The following ZNF683 variants were observed in gnomAD, a reference collection of about 807,000 sequenced individuals.
ZNF683 encodes the protein zinc finger protein 683, also known as tissue-resident T-cell transcription regulator protein ZNF683.
ZNF683 carries 20 observed loss-of-function variants against 31.4 expected under a neutral mutation model. That is an observed-to-expected ratio of 0.64 (90% CI 0.45 to 0.93). The LOEUF is 0.93. Among genes scored for constraint, ZNF683 ranks in the 40% least tolerant of loss-of-function variants. ZNF683 has a pLI of 0.00. For missense variants in ZNF683, 621 were observed against 637.2 expected, an observed-to-expected ratio of 0.97 and a Z score of 0.27; for synonymous variants, 264 against 267.6, an observed-to-expected ratio of 0.99 and a Z score of 0.13.
Position 26,363,161 on chromosome 1 carries a change from C to A in ZNF683, c.1015-7G>T. 1.2e-6 allele frequency: 2 copies of A among 1,600,956 alleles called. No homozygotes were observed. The highest frequency in any genetic ancestry group is 2.2e-5 in the South Asian group (2 of 90,434). ...TGTGCACACGCAGGTGGACCTGAGT[C>A]AGATGCGGGATAAATGCTGCCAACT... is the stretch of plus-strand genomic sequence containing the variant. On this transcript the variant is annotated splice_polypyrimidine_tract_variant and splice_region_variant and intron_variant, in intron 4 of 5. Coordinates refer to ENST00000349618, the MANE Select transcript of ZNF683 (RefSeq NM_001114759.3).
chr1:26,366,411 C>G (rs1051679105), intron 3 of ZNF683, among the ~76,000 whole-genome samples: 3 of 148,780 alleles, frequency 2.0e-5, no homozygotes, highest in Non-Finnish European at 4.5e-5. Flanking sequence ...CTCAATCAAT[C>G]TCACTGAGCC....
rs766878515 is a variant in ZNF683, at chr1:26,364,822, C to T, written c.724G>A (p.Glu242Lys). 8 of 1,575,920 alleles carry T rather than the reference C, an allele frequency of 5.1e-6. No homozygotes were observed. Among genetic ancestry groups the T allele is most frequent in the Non-Finnish European group, 6.9e-6 (8 of 1,161,090 alleles). Reference protein sequence around the residue: ...AMPSLLMMVNELGHPSARWET... With the variant: ...AMPSLLMMVNKLGHPSARWET... ...CACCGAGCGCTGGGGTGCCCCAGCT[C>T]ATTGACCATCATCAGCAGGCTAGGC... The change falls in exon 4 of 6, where the codon GAG becomes AAG. Residue 242 changes from glutamate (E) to lysine (K), a missense_variant. Coordinates refer to ENST00000349618, the MANE Select transcript of ZNF683 (RefSeq NM_001114759.3).
intron 1 of ZNF683, among the ~76,000 whole-genome samples, chr1:26,370,945 ATG>A (rs1287252120): frequency 6.6e-6 from 1 of 151,986 alleles, no homozygotes; most frequent in South Asian, 2.1e-4. Flanking sequence ...GAATTTCAGG[ATG>A]TGTGTGTGAG....
In ZNF683 at chr1:26,362,018, C is replaced by G; in HGVS notation, c.1148G>C (p.Cys383Ser). The G allele has an allele frequency of 6.2e-7, 1 of 1,613,764 alleles. No individual in the cohort carries two copies. ...TGERPHKCSV[C>S]HKRFSSSSNL... is the part of the protein sequence containing the mutation. ...ACTGGAGCTGCTGAAGCGCTTGTGGCACACCTGACGGGAACGAGCACTGGC... is the reference window on the plus strand; with the variant it reads ...ACTGGAGCTGCTGAAGCGCTTGTGGGACACCTGACGGGAACGAGCACTGGC... The change falls in exon 6 of 6, where the codon TGC becomes TCC. Residue 383 changes from cysteine to serine, a missense_variant. Coordinates refer to ENST00000349618, the MANE Select transcript of ZNF683 (RefSeq NM_001114759.3).
chr1:26,374,241 T>C (rs1225435590), upstream of ZNF683: 5 of 1,303,012 alleles, frequency 3.8e-6, no homozygotes, highest in Non-Finnish European at 5.1e-6. Flanking sequence ...GGGCACCGAG[T>C]GAAGTTTCCT....
chr1:26,368,822 T>C (rs1403794840), intron 1 of ZNF683, among the ~76,000 whole-genome samples: 1 of 152,190 alleles, frequency 6.6e-6, no homozygotes, highest in African/African-American at 2.4e-5. Flanking sequence ...GAAGATTAAA[T>C]AGAGATTGGC....
chr1:26,363,250 C>T (rs966627150), intron 4 of ZNF683, 96 bp from the exon 5 acceptor site: 53 of 1,428,000 alleles, frequency 3.7e-5, no homozygotes, highest in Middle Eastern at 1.9e-4. Flanking sequence ...CTCTCCCTCC[C>T]CGTCATCTCC....
chr1:26,367,483 T>G lies in ZNF683; in HGVS notation c.319+110A>C. ...GGAAGTAAAGTGTGCCTAAGCTCTGTCTTCATCAGTGACACTGCGTCCTCT... is the reference window on the plus strand; with the variant it reads ...GGAAGTAAAGTGTGCCTAAGCTCTGGCTTCATCAGTGACACTGCGTCCTCT... On this transcript the variant is annotated intron_variant, in intron 3 of 5. Coordinates refer to ENST00000349618, the MANE Select transcript of ZNF683 (RefSeq NM_001114759.3). 4.2e-6 allele frequency: 5 copies of G among 1,199,936 alleles called. No individual in the cohort carries two copies. The South Asian group carries it at 8.3e-5, about 20-fold the overall frequency. The allele number at this position is 1,199,936 out of a possible 1,614,324, so 74.3% of individuals were successfully genotyped here.
At chr1:26,372,847 A>G (rs527940235), upstream of ZNF683, 74 of 1,173,668 alleles carry the variant, frequency 6.3e-5, no homozygotes, top group African/African-American at 1.1e-3. Context: ...GACAAGACAG[A>G]TGATCTGGGA....
rs937060354 is a variant in ZNF683 at position 26,371,398 on chromosome 1, G to C, written c.-15+1271C>G. Among the ~76,000 whole-genome samples the C allele has an allele frequency of 4.1e-5, 6 of 148,082 alleles. 1 individual carries two copies. Among genetic ancestry groups the C allele is most frequent in the African/African-American group, 1.5e-4 (6 of 39,908 alleles). On this transcript the variant is annotated intron_variant, in intron 1 of 5. Coordinates refer to ENST00000349618, the MANE Select transcript of ZNF683 (RefSeq NM_001114759.3). Reference sequence around the variant, plus strand: ...ACCCATCTCTTGAGCCCAGGAGTTTGAGATCAGCCTGGGCAACAAAGCAAG... The same window carrying C: ...ACCCATCTCTTGAGCCCAGGAGTTTCAGATCAGCCTGGGCAACAAAGCAAG...
At chr1:26,371,047 C>T (rs1335294315) in intron 1 of ZNF683, among the ~76,000 whole-genome samples, 1 of 152,068 alleles carries the variant, frequency 6.6e-6, no homozygotes, top group Non-Finnish European at 1.5e-5. Flanking sequence ...GGGGAGCCTT[C>T]TGTGGAGGGG....
chr1:26,372,529 G>C (rs546798657), intron 1 of ZNF683, 140 bp downstream of exon 1: 109 of 1,304,688 alleles, frequency 8.4e-5, no homozygotes, highest in Admixed American at 1.1e-4. Context: ...GGGGTGACCC[G>C]CACACCTTTG....
At chr1:26,366,227 G>C (rs1358630456) in intron 3 of ZNF683, among the ~76,000 whole-genome samples, 1 of 151,786 alleles carries the variant, frequency 6.6e-6, no homozygotes, top group East Asian at 1.9e-4. Flanking sequence ...GGTGTTTGTG[G>C]CATGTGTCTG....
intron 4 of ZNF683, among the ~76,000 whole-genome samples, chr1:26,364,119 C>G (rs1409595918): frequency 6.6e-6 from 1 of 152,236 alleles, no homozygotes; most frequent in Non-Finnish European, 1.5e-5. Context: ...AAAATCTACC[C>G]ATTCCCTCAT....
chr1:26,363,481 C>G (rs1240622424), intron 4 of ZNF683, among the ~76,000 whole-genome samples: 1 of 152,132 alleles, frequency 6.6e-6, no homozygotes, highest in Non-Finnish European at 1.5e-5. Context: ...ATCAAAAACT[C>G]TGGGAGGGCT....
chr1:26,364,716 C>G lies in ZNF683; in HGVS notation c.830G>C (p.Gly277Ala). The stretch of plus-strand genomic sequence containing the variant: ...GCCTGGGGAGTCGGTTGGGGCAGCT[C>G]CAGCACCTGGATTTCGGGCCTGGGA... ...LPSQARNPGA[G>A]AAPTDSPGLE... Residue 277 changes from glycine to alanine, a missense_variant, in exon 4 of 6, where the codon GGA (glycine) becomes GCA (alanine). Coordinates refer to ENST00000349618, the MANE Select transcript of ZNF683 (RefSeq NM_001114759.3). 6.2e-7 allele frequency: 1 copy of G among 1,613,922 alleles called. No individual in the cohort carries two copies. The highest frequency in any genetic ancestry group is 1.3e-5 in the African/African-American group (1 of 75,034).
In ZNF683 at chr1:26,364,811, G is replaced by T; in HGVS notation, c.735C>A (p.His245Gln). ...SLLMMVNELG[H>Q]PSARWETLLP... The stretch of plus-strand genomic sequence containing the variant: ...GCAGGGTCTCCCACCGAGCGCTGGG[G>T]TGCCCCAGCTCATTGACCATCATCA... Residue 245 changes from histidine to glutamine, a missense_variant, in exon 4 of 6, where the codon CAC (histidine) becomes CAA (glutamine). By Grantham distance (24) the His-to-Gln change is conservative. Coordinates refer to ENST00000349618, the MANE Select transcript of ZNF683 (RefSeq NM_001114759.3). 2.3e-6 allele frequency: 3 copies of T among 1,282,118 alleles called. No homozygotes were observed. The highest frequency in any genetic ancestry group is 3.1e-6 in the Non-Finnish European group (3 of 953,760). The allele number at this position is 1,282,118 out of a possible 1,614,324, so 79.4% of individuals were successfully genotyped here.
intron 1 of ZNF683, 68 bp from the exon 2 acceptor site, chr1:26,368,653 G>C: frequency 6.8e-7 from 1 of 1,471,988 alleles, no homozygotes; most frequent in Non-Finnish European, 9.0e-7. Context: ...TTCTAGGACT[G>C]GCTCTCCCAT....
chr1:26,372,338 T>A (rs1273721728), intron 1 of ZNF683: 1 of 483,200 alleles, frequency 2.1e-6, no homozygotes, highest in African/African-American at 2.0e-5. Flanking sequence ...CATGTAGACA[T>A]CTGTCAGGTT....
Sources: allele counts gnomAD v4.1 joint callset (sites outside exome capture counted in the v4.1 genomes callset), GRCh38; gene constraint gnomAD v4.1.1; transcripts MANE v1.5; gene names NCBI Gene and HGNC (gene_info 2026-07-23, HGNC 2026-07-21).